The following GLT8D2 variants were observed in gnomAD, a reference collection of about 807,000 sequenced individuals.
GLT8D2 encodes glycosyltransferase 8 domain containing 2.
A neutral mutation model predicts 44.5 loss-of-function variants in GLT8D2; 45 were observed. The observed-to-expected ratio is 1.01, with a 90% CI of 0.80 to 1.30. The LOEUF is 1.30. Ranked by LOEUF, GLT8D2 falls within the 50% of genes most tolerant of loss-of-function variation. GLT8D2 has a pLI of 0.00. For synonymous variants in GLT8D2, 156 were observed against 157.2 expected, an observed-to-expected ratio of 0.99 and a Z score of 0.06; for missense variants, 400 against 430.4, an observed-to-expected ratio of 0.93 and a Z score of 0.62.
At chr12:104,011,365 A>G (rs534832069) in intron 4 of GLT8D2, among the ~76,000 whole-genome samples, 50 of 152,364 alleles carry the variant, frequency 3.3e-4, no homozygotes, top group Non-Finnish European at 6.5e-4. Flanking sequence ...CAGAAATGAT[A>G]CTGCCTTCGT....
chr12:104,013,303 T>C (rs1876116988), intron 4 of GLT8D2, among the ~76,000 whole-genome samples: 1 of 152,216 alleles, frequency 6.6e-6, no homozygotes, highest in African/African-American at 2.4e-5. Flanking sequence ...TCATACAATA[T>C]ATGGTCTTTC....
At position 104,021,867 on chromosome 12, in the gene GLT8D2, AAAGAAGAAGAAGAAGAAG is replaced by A. The variant is rs1175888989; in HGVS notation, c.-163-394_-163-377del. On this transcript the variant is annotated intron_variant, in intron 1 of 10. Transcript: ENST00000360814. ...GAAGGAGAAGGAGAAGGAGAAGAAGAAAGAAGAAGAAGAAGAAGAAGAAGAAGAAGAAGAAGAAGAAGA... is the reference window on the plus strand; with the variant it reads ...GAAGGAGAAGGAGAAGGAGAAGAAGAAAGAAGAAGAAGAAGAAGAAGAAGA... 1.8e-3 allele frequency among the ~76,000 whole-genome samples: 166 copies of A among 93,596 alleles called. 3 individuals carry two copies. The highest frequency in any genetic ancestry group is 2.6e-3 in the Non-Finnish European group (115 of 44,950). 61.4% of individuals were successfully genotyped at this position (93,596 alleles called of 152,430 possible).
At chr12:104,049,358 T>C (rs1006166726) in intron 1 of GLT8D2, 1 of 152,212 alleles carries the variant, frequency 6.6e-6, no homozygotes, top group African/African-American at 2.4e-5. Flanking sequence ...ATAAGATCTT[T>C]TTTAATGTTT....
At chr12:104,016,082 G>A (rs1273869133) in intron 3 of GLT8D2, among the ~76,000 whole-genome samples, 1 of 151,852 alleles carries the variant, frequency 6.6e-6, no homozygotes, top group African/African-American at 2.4e-5. Flanking sequence ...TTTTTTGCTT[G>A]TCTGATTGCT....
At chr12:104,008,774 G>A (rs570141764) in intron 4 of GLT8D2, among the ~76,000 whole-genome samples, 24 of 152,374 alleles carry the variant, frequency 1.6e-4, no homozygotes, top group Admixed American at 1.1e-3. Flanking sequence ...GCCTAGGGAC[G>A]TGGTGCCCTG....
At chr12:104,057,163 A>T (rs1882245620) in intron 1 of GLT8D2, among the ~76,000 whole-genome samples, 1 of 152,228 alleles carries the variant, frequency 6.6e-6, no homozygotes, top group South Asian at 2.1e-4. Context: ...GATGTTCCAG[A>T]AAGTGACATG....
At position 104,042,371 on chromosome 12, in the gene GLT8D2, G is replaced by A. The variant is rs150782681; in HGVS notation, c.-164+7524C>T. Among the ~76,000 whole-genome samples the A allele has an allele frequency of 2.4e-3, 368 of 152,278 alleles. 4 individuals carry two copies. The highest frequency in any genetic ancestry group is 8.1e-4 in the Non-Finnish European group (55 of 68,032). Reference sequence around the variant, plus strand: ...CAGAATGGTCAGCTCTTATGTCATCGAACTGCTGAATCAATGCCATCAATA... The same window carrying A: ...CAGAATGGTCAGCTCTTATGTCATCAAACTGCTGAATCAATGCCATCAATA... On this transcript the variant is annotated intron_variant, in intron 1 of 10. Transcript: ENST00000360814.
chr12:104,048,420 T>C (rs188894390), intron 1 of GLT8D2, among the ~76,000 whole-genome samples: 21 of 152,338 alleles, frequency 1.4e-4, no homozygotes, highest in Admixed American at 1.4e-3. Flanking sequence ...TCACAGAGTT[T>C]CCCATGGGAC....
intron 1 of GLT8D2, among the ~76,000 whole-genome samples, chr12:104,059,615 T>C (rs570055467): frequency 6.6e-6 from 1 of 152,198 alleles, no homozygotes; most frequent in Non-Finnish European, 1.5e-5. Flanking sequence ...AGAATGGTCA[T>C]GTGCCCAGCT....
At chr12:104,033,684 G>C (rs1180762854) in intron 1 of GLT8D2, among the ~76,000 whole-genome samples, 1 of 152,138 alleles carries the variant, frequency 6.6e-6, no homozygotes. Flanking sequence ...AACTACGTGA[G>C]GGTGATGGAT....
chr12:104,041,045 T>A (rs1001207936), intron 1 of GLT8D2, among the ~76,000 whole-genome samples: 1 of 151,980 alleles, frequency 6.6e-6, no homozygotes, highest in African/African-American at 2.4e-5. Flanking sequence ...GGTGGGCAGA[T>A]CACTTGAGGT....
chr12:103,991,984 C>G (rs1448594178), intron 10 of GLT8D2, among the ~76,000 whole-genome samples: 1 of 152,114 alleles, frequency 6.6e-6, no homozygotes, highest in Admixed American at 6.6e-5. Flanking sequence ...GCCTACAATT[C>G]TAAGATAATC....
chr12:104,038,296 G>A (rs1269381833), intron 1 of GLT8D2, among the ~76,000 whole-genome samples: 1 of 152,158 alleles, frequency 6.6e-6, no homozygotes, highest in Non-Finnish European at 1.5e-5. Flanking sequence ...TCTGGCCAGG[G>A]CAATCAGGCA....
At chr12:104,040,750 A>C (rs1880455778) in intron 1 of GLT8D2, among the ~76,000 whole-genome samples, 1 of 151,892 alleles carries the variant, frequency 6.6e-6, no homozygotes, top group South Asian at 2.1e-4. Flanking sequence ...TAAGCATCCC[A>C]TTTTCTAAGT....
intron 1 of GLT8D2, among the ~76,000 whole-genome samples, chr12:104,022,196 AG>A (rs1366128515): frequency 6.6e-6 from 1 of 152,112 alleles, no homozygotes; most frequent in Non-Finnish European, 1.5e-5. Context: ...ATAATATTCC[AG>A]GGGATGGTCA....
At position 104,032,983 on chromosome 12, in the gene GLT8D2, G is replaced by A. The variant is rs529079572; in HGVS notation, c.-163-11492C>T. On this transcript the variant is annotated intron_variant, in intron 1 of 10. Transcript: ENST00000360814. The stretch of plus-strand genomic sequence containing the variant: ...CAACCTCCGCTTCCGGGGTTCAAGC[G>A]ATTCTCCTGCCTCAGCCTCCCAAGT... Among the ~76,000 whole-genome samples, 5 of 151,856 alleles carry A rather than the reference G, an allele frequency of 3.3e-5. No individual in the cohort carries two copies. The East Asian group carries it at 5.8e-4, about 18-fold the overall frequency.
intron 10 of GLT8D2, among the ~76,000 whole-genome samples, chr12:103,991,863 C>T (rs986982858): frequency 6.6e-6 from 1 of 150,412 alleles, no homozygotes; most frequent in Non-Finnish European, 1.5e-5. Context: ...GGACATAACA[C>T]CTTGCAGGGT....
At chr12:104,045,918 A>AGAAG (rs1555281884) in intron 1 of GLT8D2, among the ~76,000 whole-genome samples, 107 of 145,932 alleles carry the variant, frequency 7.3e-4, no homozygotes, top group Non-Finnish European at 1.2e-3. Context: ...AAAGAAAGAA[A>AGAAG]GAAAGAAAGA....
intron 1 of GLT8D2, among the ~76,000 whole-genome samples, chr12:104,035,247 G>A (rs1879798929): frequency 6.6e-6 from 1 of 152,196 alleles, no homozygotes; most frequent in Non-Finnish European, 1.5e-5. Context: ...CTAAAAACCA[G>A]AGCGCCTCTT....
Sources: allele counts gnomAD v4.1 joint callset (sites outside exome capture counted in the v4.1 genomes callset), GRCh38; gene constraint gnomAD v4.1.1; transcripts MANE v1.5; gene names NCBI Gene and HGNC (gene_info 2026-07-23, HGNC 2026-07-21).